C1orf87: variants seen among roughly 807,000 people sequenced by gnomAD.
C1orf87 encodes chromosome 1 open reading frame 87.
In C1orf87, 58 loss-of-function variants were observed where a neutral mutation model predicts 60.5. That is an observed-to-expected ratio of 0.96 (90% CI 0.78 to 1.19). The LOEUF (loss-of-function observed/expected upper bound fraction) is 1.19. Ranked by LOEUF, C1orf87 falls within the 50% of genes most tolerant of loss-of-function variation. The pLI, the probability that C1orf87 is intolerant of heterozygous loss-of-function variation, is 0.00. For synonymous variants in C1orf87, 236 were observed against 227.4 expected (o/e 1.04, Z -0.34); for missense variants, 673 against 638.6 (o/e 1.05, Z -0.58).
At chr1:60,055,041 C>T (rs957849615) in intron 3 of C1orf87, among the ~76,000 whole-genome samples, 163 bp downstream of exon 3, 2 of 151,978 alleles carry the variant, frequency 1.3e-5, no homozygotes, top group Non-Finnish European at 2.9e-5. Flanking sequence ...ACAAAATGAC[C>T]CTGAAGTTCA....
intron 9 of C1orf87, among the ~76,000 whole-genome samples, chr1:60,005,708 T>C (rs894402300): frequency 2.0e-5 from 3 of 150,864 alleles, no homozygotes; most frequent in Non-Finnish European, 4.4e-5. Context: ...GGAAGAGAAA[T>C]GGGTGAAGTG....
chr1:60,053,300 G>A lies in C1orf87; in HGVS notation c.342+1904C>T, dbSNP rs143890714. On this transcript the variant is annotated intron_variant, in intron 3 of 11. Coordinates refer to ENST00000371201, the MANE Select transcript of C1orf87 (RefSeq NM_152377.3). ...TGGTGACTAAGGACCTAGAACCTGGGCTTGAATTGTGGGTCTGCCACTTCT... is the reference window on the plus strand; with the variant it reads ...TGGTGACTAAGGACCTAGAACCTGGACTTGAATTGTGGGTCTGCCACTTCT... 1.8e-3 allele frequency among the ~76,000 whole-genome samples: 270 copies of A among 152,288 alleles called. 1 individual carries two copies. The highest frequency in any genetic ancestry group is 2.2e-3 in the Non-Finnish European group (153 of 68,020).
intron 2 of C1orf87, among the ~76,000 whole-genome samples, chr1:60,071,599 T>C (rs1037588358): frequency 6.6e-6 from 1 of 152,180 alleles, no homozygotes; most frequent in African/African-American, 2.4e-5. Flanking sequence ...AATGTGCCTT[T>C]CTAAAGCCTT....
Position 59,995,764 on chromosome 1 carries a change from T to G in C1orf87, c.1480+1845A>C, listed in dbSNP as rs149399103. ...GTCTCAAACTCTTGGGCTCAAGTGA[T>G]CTTCCCACCTCAGCCTCCCAAAGTG... On this transcript the variant is annotated intron_variant, in intron 11 of 11. Coordinates refer to ENST00000371201, the MANE Select transcript of C1orf87 (RefSeq NM_152377.3). 1.2e-3 allele frequency among the ~76,000 whole-genome samples: 176 copies of G among 152,362 alleles called. 3 individuals carry two copies. The East Asian group carries it at 0.028, about 24-fold the overall frequency.
chr1:60,064,949 T>C (rs1458558230), intron 2 of C1orf87, among the ~76,000 whole-genome samples: 1 of 40,114 alleles, frequency 2.5e-5, no homozygotes, highest in Non-Finnish European at 5.0e-5. Context: ...AAATATATAA[T>C]AAATATATAA....
At chr1:60,038,311 G>T (rs1345358168) in intron 5 of C1orf87, among the ~76,000 whole-genome samples, 1 of 151,898 alleles carries the variant, frequency 6.6e-6, no homozygotes, top group African/African-American at 2.4e-5. Flanking sequence ...TGTACTTCCT[G>T]GTTGTCTTCT....
At chr1:60,043,494 G>C (rs763259074) in intron 3 of C1orf87, among the ~76,000 whole-genome samples, 1 of 152,026 alleles carries the variant, frequency 6.6e-6, no homozygotes, top group Non-Finnish European at 1.5e-5. Context: ...AGATTTTCCT[G>C]CTTCTGCCTC....
Position 60,033,622 on chromosome 1 carries a change from T to C in C1orf87, c.883A>G (p.Ser295Gly). ...CTCCTGTTCACTTCTGGCTGTGAGC[T>C]GGAGTGCTGAGGTGGAGTGCTGATT... is the stretch of plus-strand genomic sequence containing the variant. ...HSQSTPPQHS[S>G]SQPEVNRSLL... is the part of the protein sequence containing the mutation. Residue 295 changes from serine (S) to glycine (G), a missense_variant, in exon 7 of 12, where the codon AGC (serine) becomes GGC (glycine). Physicochemically the swap from Ser to Gly is moderately conservative, Grantham distance 56 (BLOSUM62 0). Transcript: ENST00000371201. The C allele has an allele frequency of 6.2e-7, 1 of 1,612,980 alleles. No homozygotes were observed.
intron 2 of C1orf87, among the ~76,000 whole-genome samples, chr1:60,067,333 C>G (rs1645553488): frequency 6.6e-6 from 1 of 152,158 alleles, no homozygotes; most frequent in Non-Finnish European, 1.5e-5. Context: ...TCTGTTGTTT[C>G]CTGACATTTC....
chr1:60,055,062 G>C, intron 3 of C1orf87, 142 bp downstream of exon 3: 1 of 796,292 alleles, frequency 1.3e-6, no homozygotes, highest in Non-Finnish European at 2.0e-6. Context: ...TTTTCAGATT[G>C]AAAAAAATTG....
intron 11 of C1orf87, among the ~76,000 whole-genome samples, chr1:59,993,642 T>G (rs923437455): frequency 1.3e-5 from 2 of 152,120 alleles, no homozygotes; most frequent in African/African-American, 2.4e-5. Flanking sequence ...TCTAATTTAC[T>G]CTGTCATTAG....
At chr1:60,027,435 C>A (rs1351286305) in intron 7 of C1orf87, among the ~76,000 whole-genome samples, 2 of 152,212 alleles carry the variant, frequency 1.3e-5, no homozygotes, top group African/African-American at 4.8e-5. Context: ...CCTGACAGAA[C>A]CTGGCGCTTC....
rs529975012 is a variant in C1orf87, at chr1:59,995,086, C to T, written c.1480+2523G>A. On this transcript the variant is annotated intron_variant, in intron 11 of 11. Coordinates refer to ENST00000371201, the MANE Select transcript of C1orf87 (RefSeq NM_152377.3). The stretch of plus-strand genomic sequence containing the variant: ...CATGAGAAAGGCATTTCAAATCTGT[C>T]GGAATCTGCCTCCAAAGTCAACAAA... Among the ~76,000 whole-genome samples the T allele has an allele frequency of 1.2e-4, 18 of 152,312 alleles. No individual in the cohort carries two copies. In the South Asian group the frequency reaches 2.9e-3, roughly 25 times the overall value.
chr1:60,030,841 G>T (rs192991018), intron 7 of C1orf87, among the ~76,000 whole-genome samples: 1 of 152,182 alleles, frequency 6.6e-6, no homozygotes, highest in Non-Finnish European at 1.5e-5. Flanking sequence ...GAGTGAGTCC[G>T]CAGAATGAAG....
chr1:59,990,927 G>C (rs1344745624), intron 11 of C1orf87, 94 bp from the exon 12 acceptor site: 18 of 1,266,906 alleles, frequency 1.4e-5, no homozygotes, highest in Non-Finnish European at 2.0e-5. Flanking sequence ...TCCAGGTAAA[G>C]ACTAAATGCT....
At chr1:60,009,900 T>C (rs1263084264) in intron 9 of C1orf87, among the ~76,000 whole-genome samples, 2 of 152,054 alleles carry the variant, frequency 1.3e-5, no homozygotes, top group Non-Finnish European at 2.9e-5. Flanking sequence ...TTTTATCAAT[T>C]GGTTATATTG....
intron 3 of C1orf87, among the ~76,000 whole-genome samples, chr1:60,044,384 C>G (rs1374204353): frequency 1.3e-5 from 2 of 152,210 alleles, no homozygotes; most frequent in Admixed American, 6.5e-5. Flanking sequence ...ACTGTACTCC[C>G]TGGAATGCTG....
At chr1:60,006,215 T>C (rs901266207) in intron 9 of C1orf87, among the ~76,000 whole-genome samples, 1 of 152,044 alleles carries the variant, frequency 6.6e-6, no homozygotes, top group African/African-American at 2.4e-5. Flanking sequence ...CTGAAGATGA[T>C]GCCAACAGGA....
chr1:60,003,588 C>T (rs1420661628), intron 9 of C1orf87, among the ~76,000 whole-genome samples: 1 of 152,016 alleles, frequency 6.6e-6, no homozygotes, highest in Non-Finnish European at 1.5e-5. Flanking sequence ...CAAATAAATT[C>T]ACATATCAAT....
Sources: allele counts gnomAD v4.1 joint callset (sites outside exome capture counted in the v4.1 genomes callset), GRCh38; gene constraint gnomAD v4.1.1; transcripts MANE v1.5; gene names NCBI Gene and HGNC (gene_info 2026-07-23, HGNC 2026-07-21).